The following SORCS2 variants were observed in gnomAD, a reference collection of about 807,000 sequenced individuals.
SORCS2 encodes VPS10 domain-containing receptor SorCS2.
In SORCS2, 100 loss-of-function variants were observed where a neutral mutation model predicts 141.6. The observed-to-expected ratio is 0.71, with a 90% CI of 0.60 to 0.83. SORCS2 has a LOEUF of 0.83. Among genes scored for constraint, SORCS2 ranks in the 40% least tolerant of loss-of-function variants. SORCS2 has a pLI of 0.00. For missense variants in SORCS2, 1,646 were observed against 1,560.2 expected (o/e 1.05, Z -0.93); for synonymous variants, 789 against 676.9 (o/e 1.17, Z -2.57).
At chr4:7,238,167 T>C (rs1712419555) in intron 1 of SORCS2, among the ~76,000 whole-genome samples, 1 of 152,208 alleles carries the variant, frequency 6.6e-6, no homozygotes, top group Non-Finnish European at 1.5e-5. Flanking sequence ...AATCCAACTC[T>C]TCCATGAACC....
At chr4:7,613,301 C>T (rs908552770) in intron 3 of SORCS2, among the ~76,000 whole-genome samples, 36 of 152,346 alleles carry the variant, frequency 2.4e-4, no homozygotes, top group Admixed American at 5.2e-4. Flanking sequence ...AATAAACTAA[C>T]GAATGAGACA....
At chr4:7,625,586 T>C (rs1719465838) in intron 3 of SORCS2, among the ~76,000 whole-genome samples, 1 of 151,428 alleles carries the variant, frequency 6.6e-6, no homozygotes, top group Non-Finnish European at 1.5e-5. Context: ...AGGAGCCGGG[T>C]TGCATGGAGA....
chr4:7,543,429 G>GTCCAACCATCCACTCATCCA (rs1712855304), intron 3 of SORCS2, among the ~76,000 whole-genome samples: 1 of 85,716 alleles, frequency 1.2e-5, no homozygotes, highest in African/African-American at 4.6e-5. Context: ...CCATCCATCC[G>GTCCAACCATCCACTCATCCA]TCCATCCATC....
At chr4:7,395,966 T>A (rs1724183785) in intron 1 of SORCS2, among the ~76,000 whole-genome samples, 1 of 152,236 alleles carries the variant, frequency 6.6e-6, no homozygotes, top group African/African-American at 2.4e-5. Context: ...GGCACTCCCT[T>A]TGCCACAGTT....
chr4:7,733,303 G>A lies in SORCS2; in HGVS notation c.3109-19G>A. 6.5e-7 allele frequency: 1 copy of A among 1,529,030 alleles called. No homozygotes were observed. The highest frequency in any genetic ancestry group is 8.8e-7 in the Non-Finnish European group (1 of 1,132,100). 94.7% of individuals were successfully genotyped at this position (1,529,030 alleles called of 1,614,324 possible). On this transcript the variant is annotated intron_variant, in intron 23 of 26. Transcript: ENST00000507866. Reference sequence around the variant, plus strand: ...AGCCTCCATGGAGGCCTCACTCACTGTCCCCTCTGTGCTTGCAGAGGCTCG... The same window carrying A: ...AGCCTCCATGGAGGCCTCACTCACTATCCCCTCTGTGCTTGCAGAGGCTCG...
chr4:7,301,223 G>C (rs1717410441), intron 1 of SORCS2, among the ~76,000 whole-genome samples: 1 of 152,102 alleles, frequency 6.6e-6, no homozygotes. Context: ...ATTCTGCCAG[G>C]GTTTGCTTAG....
At chr4:7,530,523 G>A (rs1459744192) in intron 2 of SORCS2, among the ~76,000 whole-genome samples, 1 of 152,258 alleles carries the variant, frequency 6.6e-6, no homozygotes, top group African/African-American at 2.4e-5. Flanking sequence ...CCTTGGGTCT[G>A]TGTCTGGATT....
At chr4:7,433,110 G>T in intron 2 of SORCS2, 1 of 458,644 alleles carries the variant, frequency 2.2e-6, no homozygotes, top group Non-Finnish European at 3.6e-6. Flanking sequence ...CGGTCCAGTA[G>T]AGATGCTTTC....
In SORCS2 at chr4:7,734,354, C is replaced by T. The variant is rs1170227636; in HGVS notation, c.3291C>T (p.Phe1097=). 2 of 1,572,372 alleles carry T rather than the reference C, an allele frequency of 1.3e-6. No homozygotes were observed. The highest frequency in any genetic ancestry group is 1.7e-6 in the Non-Finnish European group (2 of 1,159,330). The part of the protein sequence containing the change: ...FVIGLFAAGA[F]ILYKFKRKRP... ...TCGGGCTCTTCGCAGCGGGAGCCTT[C>T]ATCCTCTACAAGTTCAAAAGGCAAG... The change falls in exon 25 of 27, where the codon TTC becomes TTT. Residue 1097 remains phenylalanine, a synonymous_variant. Transcript: ENST00000507866.
chr4:7,251,787 C>G (rs1713521072), intron 1 of SORCS2, among the ~76,000 whole-genome samples: 1 of 152,136 alleles, frequency 6.6e-6, no homozygotes, highest in Admixed American at 6.5e-5. Flanking sequence ...TTGCTTATGT[C>G]TTGTTGGTCG....
intron 23 of SORCS2, among the ~76,000 whole-genome samples, chr4:7,731,152 C>T (rs1711641204): frequency 3.3e-5 from 5 of 152,194 alleles, no homozygotes; most frequent in Admixed American, 3.3e-4. Context: ...AGAAAACAAT[C>T]CCACTAACAA....
At chr4:7,679,370 C>T (rs553510526) in intron 9 of SORCS2, among the ~76,000 whole-genome samples, 329 of 152,314 alleles carry the variant, frequency 2.2e-3, no homozygotes, top group African/African-American at 7.5e-3. Flanking sequence ...AAATAGACAT[C>T]GAAATGGTGG....
At chr4:7,278,574 G>T (rs774119338) in intron 1 of SORCS2, among the ~76,000 whole-genome samples, 2 of 152,156 alleles carry the variant, frequency 1.3e-5, no homozygotes, top group Non-Finnish European at 2.9e-5. Context: ...CAGTGGTAGC[G>T]TGCCCAGTGT....
rs556082482 is a variant in SORCS2 at position 7,659,293 on chromosome 4, A to G, written c.888-2207A>G. Among the ~76,000 whole-genome samples the G allele has an allele frequency of 1.5e-3, 229 of 152,164 alleles. 4 individuals carry two copies. Among genetic ancestry groups the G allele is most frequent in the Middle Eastern group, 0.01 (3 of 294 alleles). On this transcript the variant is annotated intron_variant, in intron 5 of 26. Transcript: ENST00000507866. ...CCTTTCATCAAAAAAAAAAAAGAAAAAAAAAAAATCCGTACTCCCCTCCTG... is the reference window on the plus strand; with the variant it reads ...CCTTTCATCAAAAAAAAAAAAGAAAGAAAAAAAATCCGTACTCCCCTCCTG...
At chr4:7,375,354 G>A (rs751744108) in intron 1 of SORCS2, among the ~76,000 whole-genome samples, 1 of 152,334 alleles carries the variant, frequency 6.6e-6, no homozygotes, top group Non-Finnish European at 1.5e-5. Context: ...AGCTCCATGC[G>A]CCTCTGTCTC....
chr4:7,451,396 G>A (rs1247797066), intron 2 of SORCS2, among the ~76,000 whole-genome samples: 1 of 152,248 alleles, frequency 6.6e-6, no homozygotes, highest in East Asian at 1.9e-4. Flanking sequence ...ATCAAGGGAT[G>A]AGAAATGGTT....
intron 2 of SORCS2, among the ~76,000 whole-genome samples, chr4:7,511,340 A>G (rs1381938695): frequency 7.1e-6 from 1 of 139,924 alleles, no homozygotes; most frequent in African/African-American, 2.6e-5. Flanking sequence ...ACAACTAGAG[A>G]GAGGGAGGGA....
intron 3 of SORCS2, among the ~76,000 whole-genome samples, chr4:7,544,817 G>T (rs1033423185): frequency 1.3e-5 from 2 of 152,214 alleles, no homozygotes; most frequent in Non-Finnish European, 2.9e-5. Flanking sequence ...GAACACTCAG[G>T]GTGTGGCTGG....
intron 1 of SORCS2, among the ~76,000 whole-genome samples, chr4:7,373,845 T>G (rs1722437324): frequency 6.6e-6 from 1 of 152,058 alleles, no homozygotes; most frequent in Non-Finnish European, 1.5e-5. Flanking sequence ...TTGCAAAAAT[T>G]TCCTCCCAGT....
Sources: gnomAD v4.1 joint callset for allele counts (sites outside exome capture counted in the v4.1 genomes callset) on GRCh38, gnomAD v4.1.1 for gene constraint, MANE v1.5 for transcripts, NCBI Gene and HGNC (gene_info 2026-07-23, HGNC 2026-07-21) for gene names.